HMCN1: variants seen among roughly 807,000 people sequenced by gnomAD.
The protein encoded by HMCN1 is hemicentin-1.
In HMCN1, 321 loss-of-function variants were observed where a neutral mutation model predicts 625.9. That is an observed-to-expected ratio of 0.51 (90% confidence interval 0.47 to 0.56). The LOEUF (loss-of-function observed/expected upper bound fraction) is 0.56. HMCN1 is among the 20% of genes least tolerant of loss of function. HMCN1 has a pLI of 0.00. For synonymous variants in HMCN1, 2,425 were observed against 2,417.6 expected, an observed-to-expected ratio of 1.00 and a Z score of -0.09; for missense variants, 6,588 against 6,887.3, an observed-to-expected ratio of 0.96 and a Z score of 1.54.
chr1:185,756,097 A>T (rs1655115851), intron 1 of HMCN1, among the ~76,000 whole-genome samples: 1 of 152,126 alleles, frequency 6.6e-6, no homozygotes, highest in Admixed American at 6.5e-5. Flanking sequence ...CTCACAAATG[A>T]AGGACTGACA....
intron 71 of HMCN1, among the ~76,000 whole-genome samples, chr1:186,110,201 C>A (rs1427226661): frequency 2.0e-5 from 3 of 151,982 alleles, no homozygotes; most frequent in Non-Finnish European, 4.4e-5. Context: ...AAAAAAGCGG[C>A]CTTTGATGTA....
intron 97 of HMCN1, among the ~76,000 whole-genome samples, chr1:186,158,650 A>C (rs1253128738): frequency 2.0e-5 from 3 of 152,172 alleles, no homozygotes; most frequent in Non-Finnish European, 4.4e-5. Flanking sequence ...AGCTTTCTAC[A>C]TATGGCTAGC....
chr1:185,787,539 C>A (rs1001617415), intron 1 of HMCN1, among the ~76,000 whole-genome samples: 1 of 152,160 alleles, frequency 6.6e-6, no homozygotes, highest in Non-Finnish European at 1.5e-5. Flanking sequence ...AAGGAAGTCA[C>A]CAGTGTGGGA....
chr1:186,114,241 C>T lies in HMCN1; in HGVS notation c.11276+118C>T, dbSNP rs754289663. ...TTAGAATCAGCATTTCATCTTAATACGAGAATCAAAATTTAGTATTTTATT... is the reference window on the plus strand; with the variant it reads ...TTAGAATCAGCATTTCATCTTAATATGAGAATCAAAATTTAGTATTTTATT... On this transcript the variant is annotated intron_variant, in intron 73 of 106. Transcript: ENST00000271588. 196 of 1,036,178 alleles carry T rather than the reference C, an allele frequency of 1.9e-4. 3 individuals carry two copies. The highest frequency in any genetic ancestry group is 7.6e-4 in the South Asian group (56 of 74,168). The allele number at this position is 1,036,178 out of a possible 1,614,324, so 64.2% of individuals were successfully genotyped here.
chr1:185,830,561 A>T (rs1285854645), intron 1 of HMCN1, among the ~76,000 whole-genome samples: 1 of 152,018 alleles, frequency 6.6e-6, no homozygotes, highest in Non-Finnish European at 1.5e-5. Flanking sequence ...ATGGTTGTAG[A>T]TGTGTGGTGT....
intron 1 of HMCN1, among the ~76,000 whole-genome samples, chr1:185,770,683 G>T (rs1412806723): frequency 6.6e-6 from 1 of 152,152 alleles, no homozygotes; most frequent in Non-Finnish European, 1.5e-5. Context: ...GGCAGTGTGA[G>T]AATATGCCTT....
chr1:186,112,171 G>A (rs1253285516), intron 71 of HMCN1, among the ~76,000 whole-genome samples: 3 of 152,102 alleles, frequency 2.0e-5, no homozygotes, highest in South Asian at 2.1e-4. Flanking sequence ...AGAAATATTT[G>A]TGGTGGTTTA....
intron 93 of HMCN1, among the ~76,000 whole-genome samples, chr1:186,147,194 C>G (rs1023637169): frequency 6.6e-6 from 1 of 152,134 alleles, no homozygotes; most frequent in African/African-American, 2.4e-5. Flanking sequence ...ATACTCTGTC[C>G]CCTACCCAGA....
chr1:186,066,791 C>T (rs1658145667), intron 49 of HMCN1, among the ~76,000 whole-genome samples: 2 of 152,142 alleles, frequency 1.3e-5, no homozygotes, highest in African/African-American at 4.8e-5. Context: ...GAAGCTTGAG[C>T]CACCTCTTAA....
chr1:186,039,132 G>A (rs1487140177), intron 38 of HMCN1, 127 bp downstream of exon 38: 3 of 753,672 alleles, frequency 4.0e-6, no homozygotes, highest in East Asian at 2.6e-5. Context: ...TAAGGGCACA[G>A]TGTTCTAAAA....
At chr1:186,040,925 A>T in intron 39 of HMCN1, 88 bp from the exon 40 acceptor site, 2 of 1,440,334 alleles carry the variant, frequency 1.4e-6, no homozygotes, top group Non-Finnish European at 1.9e-6. Context: ...ATGTCAACTG[A>T]TAAGCCTCAA....
At chr1:185,820,417 G>C (rs769902711) in intron 1 of HMCN1, among the ~76,000 whole-genome samples, 3 of 151,856 alleles carry the variant, frequency 2.0e-5, no homozygotes, top group Non-Finnish European at 1.5e-5. Flanking sequence ...TTTTAAAACT[G>C]GGTCTTCAAA....
At chr1:185,752,970 A>G (rs561467361) in intron 1 of HMCN1, among the ~76,000 whole-genome samples, 11 of 152,264 alleles carry the variant, frequency 7.2e-5, no homozygotes, top group African/African-American at 2.2e-4. Context: ...AATATATAAA[A>G]AGGAGCAGAT....
chr1:185,777,786 A>G (rs1656725166), intron 1 of HMCN1, among the ~76,000 whole-genome samples: 1 of 152,210 alleles, frequency 6.6e-6, no homozygotes, highest in Admixed American at 6.5e-5. Flanking sequence ...AGACATAGGC[A>G]GCTCTATTAT....
chr1:185,973,235 G>A (rs139982856), intron 15 of HMCN1, among the ~76,000 whole-genome samples: 221 of 152,190 alleles, frequency 1.5e-3, no homozygotes, highest in African/African-American at 5.2e-3. Flanking sequence ...AATGAAACAT[G>A]TATCATGTAA....
chr1:186,163,275 G>A (rs1651639736), intron 97 of HMCN1, among the ~76,000 whole-genome samples: 2 of 152,158 alleles, frequency 1.3e-5, no homozygotes, highest in African/African-American at 2.4e-5. Context: ...ACAGTATTCG[G>A]GTGGGAGTGA....
At position 185,855,497 on chromosome 1, in the gene HMCN1, T is replaced by C. The variant is rs536229525; in HGVS notation, c.340-8973T>C. On this transcript the variant is annotated intron_variant, in intron 2 of 106. Transcript: ENST00000271588. The stretch of plus-strand genomic sequence containing the variant: ...ACCACTTACTGTCCATTATAACTCA[T>C]GTGAATTATGAAACTTTTGATTTTT... Among the ~76,000 whole-genome samples the C allele has an allele frequency of 6.6e-5, 10 of 152,298 alleles. 1 individual carries two copies. The South Asian group carries it at 2.1e-3, about 32-fold the overall frequency.
At chr1:185,935,845 A>G (rs1667787167) in intron 11 of HMCN1, among the ~76,000 whole-genome samples, 1 of 152,190 alleles carries the variant, frequency 6.6e-6, no homozygotes, top group Non-Finnish European at 1.5e-5. Flanking sequence ...ACTATAGAAA[A>G]GCTATGGGTA....
At position 186,108,725 on chromosome 1, in the gene HMCN1, A is replaced by G. The variant is rs561145172; in HGVS notation, c.10989+128A>G. 1.6e-4 allele frequency: 174 copies of G among 1,090,824 alleles called. No homozygotes were observed. In the African/African-American group the frequency reaches 2.3e-3, roughly 15 times the overall value. The allele number at this position is 1,090,824 out of a possible 1,614,324, so 67.6% of individuals were successfully genotyped here. A position where few individuals can be genotyped will look rare whatever the true frequency, so the allele number is the denominator to read the frequency against. On this transcript the variant is annotated intron_variant, in intron 71 of 106. Coordinates refer to ENST00000271588, the MANE Select transcript of HMCN1 (RefSeq NM_031935.3). ...GCTACTAATTATTCAACATTGCAGC[A>G]GTAAGCACAGGGTTTTTAAATTAGC...
Sources: gnomAD v4.1 joint callset for allele counts (sites outside exome capture counted in the v4.1 genomes callset) on GRCh38, gnomAD v4.1.1 for gene constraint, MANE v1.5 for transcripts, NCBI Gene and HGNC (gene_info 2026-07-23, HGNC 2026-07-21) for gene names.